Variants in NCAM1 observed in about 807,000 individuals in gnomAD.
The protein encoded by NCAM1 is neural cell adhesion molecule 1.
Under a neutral mutation model 109.8 loss-of-function variants are expected in NCAM1, and 14 were observed. The observed-to-expected ratio is 0.13, with a 90% CI of 0.08 to 0.20. The LOEUF (loss-of-function observed/expected upper bound fraction) is 0.20, where lower values mean the gene tolerates loss of function less well. NCAM1 is among the 10% of genes least tolerant of loss of function. The pLI, the probability that NCAM1 is intolerant of heterozygous loss-of-function variation, is 1.00. For missense variants in NCAM1, 774 were observed against 1,109.9 expected (o/e 0.70, Z 4.30); for synonymous variants, 418 against 442.9 (o/e 0.94, Z 0.70).
chr11:113,191,277 C>A (rs1260816594), intron 1 of NCAM1, among the ~76,000 whole-genome samples: 2 of 152,100 alleles, frequency 1.3e-5, no homozygotes, highest in Admixed American at 1.3e-4. Context: ...GGAAAGTCTA[C>A]GGCAGGGAGA....
At chr11:113,256,049 AC>A (rs1555122264) in intron 16 of NCAM1, 48 bp downstream of exon 16, 1 of 1,561,236 alleles carries the variant, frequency 6.4e-7, no homozygotes, top group Admixed American at 1.9e-5. Context: ...CAACCCTGGC[AC>A]CCAGCTTGCT....
intron 14 of NCAM1, chr11:113,236,245 T>C: frequency 1.9e-6 from 3 of 1,585,258 alleles, no homozygotes; most frequent in South Asian, 1.1e-5. Flanking sequence ...TTTTTTTTTC[T>C]TGGGTCTGTC....
chr11:113,190,032 T>G (rs1943630989), intron 1 of NCAM1, among the ~76,000 whole-genome samples: 1 of 152,154 alleles, frequency 6.6e-6, no homozygotes, highest in Non-Finnish European at 1.5e-5. Flanking sequence ...ACCAAGTTTG[T>G]GTGTTTGGTC....
Position 112,961,594 on chromosome 11 carries a change from T to C in NCAM1, c.-19T>C, listed in dbSNP as rs1555062937. On this transcript the variant is annotated 5_prime_UTR_variant, in exon 1 of 20. Transcript: ENST00000316851. ...GAATTTACCGCGGCAAGAACATCCC[T>C]CCCAGCCAGCAGATTACAATGCTGC... 6.9e-7 allele frequency: 1 copy of C among 1,441,318 alleles called. No homozygotes were observed. The allele number at this position is 1,441,318 out of a possible 1,614,324, so 89.3% of individuals were successfully genotyped here.
At chr11:113,037,579 G>A (rs1952934034) in intron 1 of NCAM1, among the ~76,000 whole-genome samples, 1 of 152,188 alleles carries the variant, frequency 6.6e-6, no homozygotes, top group South Asian at 2.1e-4. Flanking sequence ...CATTTAAGAA[G>A]CATCTGCTGG....
At chr11:112,985,827 T>C (rs797037850) in intron 1 of NCAM1, among the ~76,000 whole-genome samples, 1 of 151,962 alleles carries the variant, frequency 6.6e-6, no homozygotes, top group African/African-American at 2.4e-5. Context: ...TTTTTTAATA[T>C]AAAAGATTAT....
intron 19 of NCAM1, chr11:113,272,793 G>C (rs1946310652): frequency 2.5e-6 from 1 of 400,314 alleles, no homozygotes; most frequent in Non-Finnish European, 5.0e-6. Context: ...TTCTCTCTCT[G>C]TGGGCCTGTG....
intron 1 of NCAM1, among the ~76,000 whole-genome samples, chr11:113,027,495 T>C (rs1952583234): frequency 6.6e-6 from 1 of 152,230 alleles, no homozygotes; most frequent in Non-Finnish European, 1.5e-5. Flanking sequence ...CATCAAGACC[T>C]TTAAAGATGA....
At chr11:113,103,112 A>G (rs1939948103) in intron 1 of NCAM1, among the ~76,000 whole-genome samples, 1 of 152,234 alleles carries the variant, frequency 6.6e-6, no homozygotes, top group Admixed American at 6.5e-5. Context: ...GCAATTAATG[A>G]AACTTTGACA....
intron 1 of NCAM1, among the ~76,000 whole-genome samples, chr11:113,029,757 A>C (rs925280321): frequency 6.6e-6 from 1 of 152,362 alleles, no homozygotes; most frequent in African/African-American, 2.4e-5. Flanking sequence ...ACCACATTAC[A>C]TGTATTAATT....
At chr11:113,174,439 T>C (rs1555106726) in intron 1 of NCAM1, among the ~76,000 whole-genome samples, 1 of 152,186 alleles carries the variant, frequency 6.6e-6, no homozygotes, top group African/African-American at 2.4e-5. Context: ...GGCGAGGTTT[T>C]AGTGAAAAAA....
intron 8 of NCAM1, 97 bp from the exon 9 acceptor site, chr11:113,221,199 T>C: frequency 1.6e-6 from 2 of 1,218,360 alleles, no homozygotes. Context: ...AAAGAAAAGC[T>C]GCATGTGCAC....
chr11:113,007,046 C>T (rs966410011), intron 1 of NCAM1, among the ~76,000 whole-genome samples: 17 of 152,196 alleles, frequency 1.1e-4, no homozygotes, highest in African/African-American at 4.1e-4. Flanking sequence ...AAATTCGAAA[C>T]CTGCTCCCCT....
At chr11:113,029,901 G>A (rs1952662012) in intron 1 of NCAM1, among the ~76,000 whole-genome samples, 1 of 152,136 alleles carries the variant, frequency 6.6e-6, no homozygotes, top group African/African-American at 2.4e-5. Flanking sequence ...CATTTTCTAG[G>A]GATGCCTCAG....
In NCAM1 at chr11:113,277,896, CAA is replaced by C. The variant is rs1491220735; in HGVS notation, c.*2511_*2512del. On this transcript the variant is annotated 3_prime_UTR_variant, in exon 20 of 20. Transcript: ENST00000316851. The stretch of plus-strand genomic sequence containing the variant: ...AAAAAAGCAATGCTTTCTCTAAAAT[CAA>C]AGAGGGAGTCATTTTATTCCAAGAT... The C allele has an allele frequency of 1.0e-4, 10 of 96,516 alleles. No homozygotes were observed. The highest frequency in any genetic ancestry group is 8.6e-4 in the Admixed American group (8 of 9,336). 6.0% of individuals were successfully genotyped at this position (96,516 alleles called of 1,614,324 possible).
chr11:113,065,215 C>T (rs1937894314), intron 1 of NCAM1, among the ~76,000 whole-genome samples: 1 of 151,934 alleles, frequency 6.6e-6, no homozygotes, highest in Non-Finnish European at 1.5e-5. Context: ...TGGATTATAA[C>T]CTAAAGTGCA....
chr11:113,164,668 G>C (rs1193830415), intron 1 of NCAM1, among the ~76,000 whole-genome samples: 13 of 152,310 alleles, frequency 8.5e-5, no homozygotes, highest in African/African-American at 3.1e-4. Context: ...CTCAGGGCAA[G>C]GTGTGTGGAA....
chr11:113,213,963 A>G (rs915541873), intron 7 of NCAM1, among the ~76,000 whole-genome samples: 2 of 152,002 alleles, frequency 1.3e-5, no homozygotes, highest in Admixed American at 6.6e-5. Context: ...CCATCTCTTC[A>G]TATGTTTTTG....
chr11:112,975,412 C>T (rs10502163), intron 1 of NCAM1, among the ~76,000 whole-genome samples: 46,004 of 151,832 alleles, frequency 0.3, 8,008 homozygotes, highest in East Asian at 0.67. Flanking sequence ...TACCATTCAG[C>T]TTTGTGAAAA....
Sources: gnomAD v4.1 joint callset for allele counts (sites outside exome capture counted in the v4.1 genomes callset) on GRCh38, gnomAD v4.1.1 for gene constraint, MANE v1.5 for transcripts, NCBI Gene and HGNC (gene_info 2026-07-23, HGNC 2026-07-21) for gene names.